UST: variants seen among roughly 807,000 people sequenced by gnomAD.
UST encodes uronyl 2-sulfotransferase.
UST carries 21 observed loss-of-function variants against 45.6 expected under a neutral mutation model. That is an observed-to-expected ratio of 0.46 (90% CI 0.33 to 0.66). UST has a LOEUF of 0.66. Ranked by LOEUF, UST falls within the 30% of genes least tolerant of loss-of-function variation. UST has a pLI of 0.02. For synonymous variants in UST, 215 were observed against 200.6 expected (o/e 1.07, Z -0.61); for missense variants, 463 against 512.4 (o/e 0.90, Z 0.93).
intron 7 of UST, among the ~76,000 whole-genome samples, chr6:149,045,121 A>C (rs1051923883): frequency 6.6e-6 from 1 of 152,182 alleles, no homozygotes; most frequent in African/African-American, 2.4e-5. Flanking sequence ...GGCATTCTGA[A>C]GTTAAGTCCC....
At chr6:148,988,395 G>C (rs1212260659) in intron 5 of UST, among the ~76,000 whole-genome samples, 1 of 151,764 alleles carries the variant, frequency 6.6e-6, no homozygotes, top group Non-Finnish European at 1.5e-5. Context: ...CTAACATGAC[G>C]AAACCCTGAC....
intron 5 of UST, among the ~76,000 whole-genome samples, chr6:148,978,576 A>G (rs1781068553): frequency 6.6e-6 from 1 of 152,198 alleles, no homozygotes; most frequent in Admixed American, 6.5e-5. Context: ...ACAAGAACAG[A>G]AAACCAAACA....
At chr6:148,778,914 G>A (rs968139102) in intron 1 of UST, among the ~76,000 whole-genome samples, 2 of 152,174 alleles carry the variant, frequency 1.3e-5, no homozygotes, top group Non-Finnish European at 2.9e-5. Context: ...TTGGTTGAGC[G>A]TATCACCCCT....
intron 1 of UST, among the ~76,000 whole-genome samples, chr6:148,833,592 A>G (rs1370719596): frequency 6.6e-6 from 1 of 152,226 alleles, no homozygotes; most frequent in Non-Finnish European, 1.5e-5. Flanking sequence ...GAGAAAAAGT[A>G]TATGTTCAAG....
intron 5 of UST, among the ~76,000 whole-genome samples, chr6:148,988,056 G>A (rs1314754783): frequency 6.6e-6 from 1 of 151,964 alleles, no homozygotes; most frequent in East Asian, 1.9e-4. Flanking sequence ...GTGTCTGTGA[G>A]GCTTCCTGGA....
chr6:149,019,111 C>T (rs779529797), intron 5 of UST, 28 bp from the exon 6 acceptor site: 5 of 1,527,852 alleles, frequency 3.3e-6, no homozygotes, highest in African/African-American at 1.4e-5. Context: ...GACTACAAGA[C>T]ATCTGACTGC....
At chr6:149,000,030 C>G (rs539163213) in intron 5 of UST, among the ~76,000 whole-genome samples, 167 of 152,314 alleles carry the variant, frequency 1.1e-3, no homozygotes, top group African/African-American at 3.9e-3. Flanking sequence ...GCCAGCTGGG[C>G]TCTGGTCCAG....
At chr6:148,825,082 A>C (rs1355079650) in intron 1 of UST, among the ~76,000 whole-genome samples, 2 of 152,128 alleles carry the variant, frequency 1.3e-5, no homozygotes, top group Non-Finnish European at 2.9e-5. Context: ...GAATCTGGTC[A>C]ATAGAGTTTC....
At chr6:148,843,285 A>G (rs1273484906) in intron 1 of UST, among the ~76,000 whole-genome samples, 2 of 152,228 alleles carry the variant, frequency 1.3e-5, no homozygotes, top group Non-Finnish European at 2.9e-5. Flanking sequence ...CTTTTGGCCA[A>G]CTCAGAAGAT....
At chr6:148,942,521 G>A (rs774999988) in intron 3 of UST, among the ~76,000 whole-genome samples, 1 of 152,064 alleles carries the variant, frequency 6.6e-6, no homozygotes, top group Non-Finnish European at 1.5e-5. Flanking sequence ...TTGCACCACT[G>A]CACTCCAGCC....
At chr6:148,800,219 A>T (rs1363665254) in intron 1 of UST, among the ~76,000 whole-genome samples, 1 of 152,142 alleles carries the variant, frequency 6.6e-6, no homozygotes, top group African/African-American at 2.4e-5. Flanking sequence ...TGGGTTTTTA[A>T]ATCTGTAAGT....
chr6:148,771,372 G>A (rs1056004329), intron 1 of UST, among the ~76,000 whole-genome samples: 87 of 152,304 alleles, frequency 5.7e-4, no homozygotes, highest in African/African-American at 2.0e-3. Flanking sequence ...CATTCTGAGC[G>A]TAGCTTTTTG....
chr6:148,775,644 C>CGG (rs1562564103), intron 1 of UST, among the ~76,000 whole-genome samples: 4 of 149,730 alleles, frequency 2.7e-5, no homozygotes, highest in Admixed American at 6.6e-5. Context: ...TTTTTTGGGG[C>CGG]GGGGAGAGAG....
chr6:148,821,639 A>C (rs908318257), intron 1 of UST, among the ~76,000 whole-genome samples: 3 of 152,212 alleles, frequency 2.0e-5, no homozygotes, highest in Admixed American at 6.5e-5. Flanking sequence ...TTATCTACCC[A>C]TTTTAGCATC....
intron 1 of UST, among the ~76,000 whole-genome samples, chr6:148,852,374 G>A (rs563141015): frequency 6.6e-6 from 1 of 152,282 alleles, no homozygotes; most frequent in African/African-American, 2.4e-5. Context: ...CCCGTGCTGC[G>A]TGCCCTGGAT....
intron 1 of UST, among the ~76,000 whole-genome samples, chr6:148,820,767 G>T (rs1310883764): frequency 2.7e-5 from 4 of 150,274 alleles, no homozygotes; most frequent in Admixed American, 6.6e-5. Context: ...GCAGGAGAAT[G>T]GCGTGAACCT....
chr6:149,018,385 A>G (rs765836123), intron 5 of UST, among the ~76,000 whole-genome samples: 3 of 152,140 alleles, frequency 2.0e-5, no homozygotes, highest in Non-Finnish European at 4.4e-5. Flanking sequence ...TTATTTGTAG[A>G]TTGAGTTATC....
rs527911905 is a variant in UST, at chr6:148,926,537, A to G, written c.292-14742A>G. On this transcript the variant is annotated intron_variant, in intron 2 of 7. Coordinates refer to ENST00000367463, the MANE Select transcript of UST (RefSeq NM_005715.3). The stretch of plus-strand genomic sequence containing the variant: ...TAGCTTGCAGATCTTGGCTTGTAGC[A>G]TGGCCCTCATGCTTCTTGCCTCATG... Among the ~76,000 whole-genome samples the G allele has an allele frequency of 7.9e-5, 12 of 152,302 alleles. No individual in the cohort carries two copies. In the East Asian group the frequency reaches 1.2e-3, roughly 15 times the overall value.
chr6:148,757,117 C>A (rs1166299240), intron 1 of UST, among the ~76,000 whole-genome samples: 1 of 152,248 alleles, frequency 6.6e-6, no homozygotes, highest in Non-Finnish European at 1.5e-5. Flanking sequence ...CCCACCTCAG[C>A]TTCTTGAGAA....
Sources: allele counts gnomAD v4.1 joint callset (sites outside exome capture counted in the v4.1 genomes callset), GRCh38; gene constraint gnomAD v4.1.1; transcripts MANE v1.5; gene names NCBI Gene and HGNC (gene_info 2026-07-23, HGNC 2026-07-21).